Variants in TTC13 observed in about 807,000 individuals in gnomAD.
The protein encoded by TTC13 is tetratricopeptide repeat protein 13.
A neutral mutation model predicts 120.0 loss-of-function variants in TTC13; 62 were observed. That is an observed-to-expected ratio of 0.52 (90% CI 0.42 to 0.64). The LOEUF (loss-of-function observed/expected upper bound fraction) is 0.64, where lower values mean the gene tolerates loss of function less well. Among genes scored for constraint, TTC13 ranks in the 30% least tolerant of loss-of-function variants. The pLI is 0.00. For synonymous variants in TTC13, 384 were observed against 393.5 expected (o/e 0.98, Z 0.28); for missense variants, 824 against 1,050.2 (o/e 0.78, Z 2.98).
At chr1:230,936,085 C>A in intron 8 of TTC13, 3 of 432,572 alleles carry the variant, frequency 6.9e-6, no homozygotes, top group South Asian at 3.3e-5. Flanking sequence ...ACGAGCCCAT[C>A]GGGGCGTGTT....
chr1:230,947,200 C>G (rs557298071), intron 4 of TTC13, among the ~76,000 whole-genome samples: 1 of 151,988 alleles, frequency 6.6e-6, no homozygotes, highest in Non-Finnish European at 1.5e-5. Flanking sequence ...CCTGCCCCCC[C>G]AGAGATAAGC....
At chr1:230,949,584 T>G (rs1675346749) in intron 4 of TTC13, among the ~76,000 whole-genome samples, 1 of 151,286 alleles carries the variant, frequency 6.6e-6, no homozygotes, top group Non-Finnish European at 1.5e-5. Flanking sequence ...CAGCACTGAA[T>G]TGATTACTGT....
Position 230,944,366 on chromosome 1 carries a change from T to TA in TTC13, c.580-469dup. 6.6e-6 allele frequency among the ~76,000 whole-genome samples: 1 copy of TA among 152,330 alleles called. No homozygotes were observed. The highest frequency in any genetic ancestry group is 1.9e-4 in the East Asian group (1 of 5,184). ...TAACATTTGCACATTATTTTTACAT[T>TA]AAAAATGCATGTGCAACTTTTTATT... On this transcript the variant is annotated intron_variant, in intron 5 of 22. Transcript: ENST00000366661. The surrounding 1 kb of genome is among the most constrained non-coding windows in gnomAD (Gnocchi z 4.0).
In TTC13 at chr1:230,908,694, C is replaced by A. The variant is rs770781113; in HGVS notation, c.2468+18G>T. 10 of 1,603,712 alleles carry A rather than the reference C, an allele frequency of 6.2e-6. No individual in the cohort carries two copies. The highest frequency in any genetic ancestry group is 8.5e-6 in the Non-Finnish European group (10 of 1,171,376). On this transcript the variant is annotated intron_variant, in intron 22 of 22. Coordinates refer to ENST00000366661, the MANE Select transcript of TTC13 (RefSeq NM_024525.5). ...TCCAGTTATGATACCCTTGTGTGGA[C>A]CCCCCTCAAGTAGTTACCTTTTCAA...
At chr1:230,936,325 G>A (rs1019364071) in intron 8 of TTC13, 7 of 442,682 alleles carry the variant, frequency 1.6e-5, no homozygotes, top group South Asian at 1.1e-4. Context: ...AAGAAACTAC[G>A]TTTGAATGAA....
At chr1:230,918,989 T>A (rs1016559256) in intron 17 of TTC13, among the ~76,000 whole-genome samples, 1 of 152,214 alleles carries the variant, frequency 6.6e-6, no homozygotes, top group Non-Finnish European at 1.5e-5. Flanking sequence ...GTTTTACTCC[T>A]AGATGGAGGA....
chr1:230,911,260 G>A lies in TTC13; in HGVS notation c.2309+210C>T, dbSNP rs1308249663. 2.5e-5 allele frequency: 9 copies of A among 366,872 alleles called. No individual in the cohort carries two copies. The East Asian group carries it at 3.2e-4, about 13-fold the overall frequency. The allele number at this position is 366,872 out of a possible 1,614,324, so 22.7% of individuals were successfully genotyped here. ...TGGATGAATCCCTATCCTATTAAACGTAAGCACACTATATTAGAACTGTCT... is the reference window on the plus strand; with the variant it reads ...TGGATGAATCCCTATCCTATTAAACATAAGCACACTATATTAGAACTGTCT... On this transcript the variant is annotated intron_variant, in intron 20 of 22. Coordinates refer to ENST00000366661, the MANE Select transcript of TTC13 (RefSeq NM_024525.5).
chr1:230,974,418 G>A (rs571339025), intron 1 of TTC13, among the ~76,000 whole-genome samples: 4 of 152,238 alleles, frequency 2.6e-5, no homozygotes, highest in East Asian at 1.9e-4. Context: ...CCCATCAGAC[G>A]GTAATACCAC....
chr1:230,976,473 G>A (rs1009695920), intron 1 of TTC13, among the ~76,000 whole-genome samples: 23 of 152,128 alleles, frequency 1.5e-4, no homozygotes, highest in African/African-American at 4.8e-4. Context: ...GGCTTTTGTC[G>A]CATACTGCAG....
At chr1:230,910,290 C>T (rs968893580) in intron 20 of TTC13, among the ~76,000 whole-genome samples, 1 of 152,254 alleles carries the variant, frequency 6.6e-6, no homozygotes, top group South Asian at 2.1e-4. Context: ...AGAGAGCCCA[C>T]GTGGAAAGCC....
chr1:230,937,656 C>T (rs1674184676), intron 8 of TTC13, among the ~76,000 whole-genome samples: 1 of 152,182 alleles, frequency 6.6e-6, no homozygotes, highest in African/African-American at 2.4e-5. Flanking sequence ...ATAGAATCTG[C>T]AAAATTCCTT....
intron 5 of TTC13, 38 bp downstream of exon 5, chr1:230,945,351 T>C (rs1336535356): frequency 1.9e-6 from 3 of 1,581,056 alleles, no homozygotes; most frequent in African/African-American, 1.3e-5. Context: ...TGTCAGGTCA[T>C]GTAGGCGCTA....
chr1:230,978,615 G>T lies in TTC13; in HGVS notation c.216C>A (p.Gly72=), dbSNP rs7417044. The change falls in exon 1 of 23, where the codon GGC becomes GGA. Residue 72 remains glycine (G), a synonymous_variant. Transcript: ENST00000366661. The surrounding 1 kb of genome is among the most constrained non-coding windows in gnomAD (Gnocchi z 5.6). ...AGTCCCCGGACTGCGGGCTGCAGCC[G>T]CCGCCGCCCGCCGGGGCCTCCTGCT... The part of the protein sequence containing the change: ...RQQQEAPAGG[G]GCSPQSGDWG... 1 of 1,456,488 alleles carries T rather than the reference G, an allele frequency of 6.9e-7. No homozygotes were observed. Among genetic ancestry groups the T allele is most frequent in the Non-Finnish European group, 9.0e-7 (1 of 1,107,418 alleles). The allele number at this position is 1,456,488 out of a possible 1,614,324, so 90.2% of individuals were successfully genotyped here.
chr1:230,963,454 C>T lies in TTC13; in HGVS notation c.272-2151G>A, dbSNP rs574684341. Among the ~76,000 whole-genome samples the T allele has an allele frequency of 7.2e-5, 11 of 151,992 alleles. No homozygotes were observed. In the South Asian group the frequency reaches 1.7e-3, roughly 23 times the overall value. On this transcript the variant is annotated intron_variant, in intron 1 of 22. Coordinates refer to ENST00000366661, the MANE Select transcript of TTC13 (RefSeq NM_024525.5). ...AGGAGTTTGAGACCAACCTGGGCAT[C>T]GTGGCAAAACACCATCTCTACAAAA... is the stretch of plus-strand genomic sequence containing the variant.
At chr1:230,958,979 C>G (rs1429862984) in intron 2 of TTC13, among the ~76,000 whole-genome samples, 1 of 152,174 alleles carries the variant, frequency 6.6e-6, no homozygotes, top group South Asian at 2.1e-4. Context: ...CTGGGCAAAA[C>G]AGTGAGACTC....
chr1:230,916,126 G>T, intron 18 of TTC13, 67 bp downstream of exon 18: 1 of 1,181,984 alleles, frequency 8.5e-7, no homozygotes, highest in Non-Finnish European at 1.3e-6. Context: ...ACTCTATAGT[G>T]ACAATAAGCA....
At chr1:230,912,086 G>A (rs779337046) in intron 19 of TTC13, among the ~76,000 whole-genome samples, 4 of 152,156 alleles carry the variant, frequency 2.6e-5, no homozygotes, top group African/African-American at 4.8e-5. Context: ...GAGAAGGGGC[G>A]TGGTGGGGAG....
At chr1:230,974,275 A>G (rs1678044390) in intron 1 of TTC13, among the ~76,000 whole-genome samples, 1 of 152,124 alleles carries the variant, frequency 6.6e-6, no homozygotes, top group South Asian at 2.1e-4. Flanking sequence ...CTCTTAAAGT[A>G]GCACCTACAC....
chr1:230,947,299 AG>A (rs1675091178), intron 4 of TTC13, among the ~76,000 whole-genome samples: 1 of 152,098 alleles, frequency 6.6e-6, no homozygotes. Flanking sequence ...CAGGGGGAAA[AG>A]GGGAGCAGGA....
Sources: gnomAD v4.1 joint callset for allele counts (sites outside exome capture counted in the v4.1 genomes callset) on GRCh38, gnomAD v4.1.1 for gene constraint, Gnocchi (gnomAD v3.1) non-coding constraint, MANE v1.5 for transcripts, NCBI Gene and HGNC (gene_info 2026-07-23, HGNC 2026-07-21) for gene names.